Variants in SAMD12 observed in about 807,000 individuals in gnomAD.
SAMD12 encodes the protein sterile alpha motif domain-containing protein 12.
Under a neutral mutation model 15.0 loss-of-function variants are expected in SAMD12, and 9 were observed. The ratio of observed to expected loss-of-function variants is 0.60; its 90% CI spans 0.36 to 1.05. The LOEUF (loss-of-function observed/expected upper bound fraction) is 1.05, where lower values mean the gene tolerates loss of function less well. SAMD12 is among the 50% of genes least tolerant of loss of function. The pLI, the probability that SAMD12 is intolerant of heterozygous loss-of-function variation, is 0.01. For synonymous variants in SAMD12, 86 were observed against 90.1 expected, an observed-to-expected ratio of 0.96 and a Z score of 0.25; for missense variants, 230 against 234.2, an observed-to-expected ratio of 0.98 and a Z score of 0.12.
At chr8:118,275,140 T>C (rs1813442201) in intron 4 of SAMD12, among the ~76,000 whole-genome samples, 1 of 152,328 alleles carries the variant, frequency 6.6e-6, no homozygotes, top group Non-Finnish European at 1.5e-5. Flanking sequence ...TTCCAATCTA[T>C]TCATAGTTTT....
At chr8:118,496,042 A>C (rs753717539) in intron 2 of SAMD12, among the ~76,000 whole-genome samples, 12 of 152,184 alleles carry the variant, frequency 7.9e-5, no homozygotes, top group African/African-American at 2.2e-4. Context: ...ATGACAAAAC[A>C]CTGCTGAAAG....
intron 1 of SAMD12, 157 bp downstream of exon 1, chr8:118,621,647 G>T (rs1294440541): frequency 2.1e-5 from 16 of 771,548 alleles, no homozygotes; most frequent in Non-Finnish European, 3.6e-5. Context: ...ACTGGCCTTG[G>T]CGGCGCAGGT....
intron 2 of SAMD12, among the ~76,000 whole-genome samples, chr8:118,500,227 C>T (rs1415448444): frequency 1.3e-5 from 2 of 151,618 alleles, no homozygotes; most frequent in Non-Finnish European, 2.9e-5. Flanking sequence ...TACAGGCATG[C>T]GCCACTACAC....
At chr8:118,413,832 CATTTT>C (rs375930311) in intron 3 of SAMD12, among the ~76,000 whole-genome samples, 1 of 147,556 alleles carries the variant, frequency 6.8e-6, no homozygotes, top group African/African-American at 2.5e-5. Context: ...ACGAAATACA[CATTTT>C]ATAACATTGC....
At chr8:118,578,249 T>C (rs1827199672) in intron 2 of SAMD12, among the ~76,000 whole-genome samples, 1 of 152,204 alleles carries the variant, frequency 6.6e-6, no homozygotes, top group African/African-American at 2.4e-5. Flanking sequence ...TCCCATTGCA[T>C]TAATACACAG....
chr8:118,336,862 G>A (rs73323697), intron 4 of SAMD12, among the ~76,000 whole-genome samples: 39,184 of 152,052 alleles, frequency 0.26, 5,704 homozygotes, highest in African/African-American at 0.39. Context: ...TCCTTTGTAG[G>A]GACATGGATG....
chr8:118,327,883 T>C (rs926867841), intron 4 of SAMD12, among the ~76,000 whole-genome samples: 1 of 152,160 alleles, frequency 6.6e-6, no homozygotes, highest in African/African-American at 2.4e-5. Context: ...GCTTGAAAAG[T>C]TGTGAATGCC....
At chr8:118,271,463 C>T (rs992246825) in intron 4 of SAMD12, among the ~76,000 whole-genome samples, 31 of 152,208 alleles carry the variant, frequency 2.0e-4, no homozygotes, top group African/African-American at 6.5e-4. Context: ...CACCCTTGGC[C>T]CCTCCCAAAT....
chr8:118,498,557 A>G (rs1824692450), intron 2 of SAMD12, among the ~76,000 whole-genome samples: 1 of 152,178 alleles, frequency 6.6e-6, no homozygotes, highest in Non-Finnish European at 1.5e-5. Context: ...TCTAAAATCT[A>G]TGACGCTAGC....
intron 4 of SAMD12, among the ~76,000 whole-genome samples, chr8:118,293,070 CAAAA>C (rs1364689644): frequency 2.1e-5 from 3 of 145,470 alleles, no homozygotes; most frequent in East Asian, 4.0e-4. Flanking sequence ...AACAAACAAA[CAAAA>C]AAAATCAATA....
chr8:118,350,115 A>C (rs1417905304), intron 4 of SAMD12, among the ~76,000 whole-genome samples: 1 of 152,222 alleles, frequency 6.6e-6, no homozygotes, highest in African/African-American at 2.4e-5. Context: ...ACTCTGGCTC[A>C]AAAACAAAAG....
intron 4 of SAMD12, among the ~76,000 whole-genome samples, chr8:118,266,163 C>T (rs1813194399): frequency 1.3e-5 from 2 of 152,106 alleles, no homozygotes; most frequent in African/African-American, 2.4e-5. Context: ...TGAGAACTCA[C>T]TCACTATCAC....
chr8:118,274,046 T>C (rs1386804783), intron 4 of SAMD12, among the ~76,000 whole-genome samples: 2 of 152,224 alleles, frequency 1.3e-5, no homozygotes, highest in Admixed American at 6.5e-5. Context: ...TACAGGCTGA[T>C]ATCATTTTGT....
At chr8:118,471,147 A>C (rs1036906596) in intron 2 of SAMD12, among the ~76,000 whole-genome samples, 1 of 152,192 alleles carries the variant, frequency 6.6e-6, no homozygotes, top group Non-Finnish European at 1.5e-5. Flanking sequence ...GGTGTTTTAC[A>C]GTGCCTTTTC....
At chr8:118,213,628 T>C (rs1811890720) in intron 4 of SAMD12, among the ~76,000 whole-genome samples, 1 of 152,168 alleles carries the variant, frequency 6.6e-6, no homozygotes. Context: ...CTCTCCAGTA[T>C]GGGGTGGCTT....
At chr8:118,444,633 A>C (rs1168059770) in intron 2 of SAMD12, among the ~76,000 whole-genome samples, 1 of 152,152 alleles carries the variant, frequency 6.6e-6, no homozygotes, top group African/African-American at 2.4e-5. Context: ...TTTAACTAGA[A>C]AGAACTCTGA....
At chr8:118,552,715 C>G (rs181168345) in intron 2 of SAMD12, among the ~76,000 whole-genome samples, 56 of 152,222 alleles carry the variant, frequency 3.7e-4, no homozygotes, top group African/African-American at 7.0e-4. Context: ...AAAGGGTATT[C>G]AATTAGGAAA....
At position 118,271,749 on chromosome 8, in the gene SAMD12, G is replaced by A. The variant is rs147861845; in HGVS notation, c.434-74017C>T. 7.2e-3 allele frequency among the ~76,000 whole-genome samples: 1,097 copies of A among 152,338 alleles called. 18 individuals are homozygous for A. Among genetic ancestry groups the A allele is most frequent in the African/African-American group, 0.026 (1,061 of 41,572 alleles). ...TGCAAGTCTGAAATCCAATAGGGCAGTCATTAAACCTTAAAGTTCCAAAGT... is the reference window on the plus strand; with the variant it reads ...TGCAAGTCTGAAATCCAATAGGGCAATCATTAAACCTTAAAGTTCCAAAGT... On this transcript the variant is annotated intron_variant, in intron 4 of 4. Transcript: ENST00000409003.
At chr8:118,490,767 T>C (rs561866801) in intron 2 of SAMD12, among the ~76,000 whole-genome samples, 1 of 151,990 alleles carries the variant, frequency 6.6e-6, no homozygotes, top group Non-Finnish European at 1.5e-5. Flanking sequence ...ACACCAGTTT[T>C]CTCCTAGAGA....
Sources: gnomAD v4.1 joint callset for allele counts (sites outside exome capture counted in the v4.1 genomes callset) on GRCh38, gnomAD v4.1.1 for gene constraint, MANE v1.5 for transcripts, NCBI Gene and HGNC (gene_info 2026-07-23, HGNC 2026-07-21) for gene names.